ENTPD7: variants seen among roughly 807,000 people sequenced by gnomAD.
ENTPD7 encodes the protein NTPDase 7.
Under a neutral mutation model 77.9 loss-of-function variants are expected in ENTPD7, and 53 were observed. That is an observed-to-expected ratio of 0.68 (90% CI 0.55 to 0.85). The LOEUF (loss-of-function observed/expected upper bound fraction) is 0.85. Ranked by LOEUF, ENTPD7 falls within the 40% of genes least tolerant of loss-of-function variation. The pLI is 0.00. For synonymous variants in ENTPD7, 248 were observed against 274.9 expected, an observed-to-expected ratio of 0.90 and a Z score of 0.97; for missense variants, 636 against 743.7, an observed-to-expected ratio of 0.86 and a Z score of 1.68.
intron 5 of ENTPD7, among the ~76,000 whole-genome samples, chr10:99,684,372 C>T (rs1225823063): frequency 6.6e-6 from 1 of 152,212 alleles, no homozygotes; most frequent in African/African-American, 2.4e-5. Context: ...ATTTGCATAA[C>T]TAACAGCAAC....
chr10:99,690,646 G>A (rs1327956030), intron 7 of ENTPD7, among the ~76,000 whole-genome samples: 1 of 151,470 alleles, frequency 6.6e-6, no homozygotes, highest in Non-Finnish European at 1.5e-5. Context: ...GGGTTCAAGC[G>A]ATTCTCCTGC....
At chr10:99,698,116 G>A in intron 9 of ENTPD7, among the ~76,000 whole-genome samples, 1 of 152,090 alleles carries the variant, frequency 6.6e-6, no homozygotes, top group Non-Finnish European at 1.5e-5. Context: ...CACTGCCGTG[G>A]TCTGCTCTTC....
rs2036287675 is a variant in ENTPD7 at position 99,708,076 on chromosome 10, A to C, written c.*3393A>C. On this transcript the variant is annotated 3_prime_UTR_variant, in exon 13 of 13. Transcript: ENST00000370489. Reference sequence around the variant, plus strand: ...CTCTCCCTCCCTGCTCTAGTAGTCCACAGTGTCTATTCTGGTCTGGGAAAT... The same window carrying C: ...CTCTCCCTCCCTGCTCTAGTAGTCCCCAGTGTCTATTCTGGTCTGGGAAAT... Among the ~76,000 whole-genome samples, 1 of 152,092 alleles carries C rather than the reference A, an allele frequency of 6.6e-6. No homozygotes were observed. The highest frequency in any genetic ancestry group is 2.4e-5 in the African/African-American group (1 of 41,408).
At chr10:99,667,676 T>C (rs1176666048) in intron 3 of ENTPD7, among the ~76,000 whole-genome samples, 3 of 152,240 alleles carry the variant, frequency 2.0e-5, no homozygotes. Flanking sequence ...GGTTCTCACT[T>C]GTCTCAGAAC....
chr10:99,660,435 A>T, intron 2 of ENTPD7: 1 of 1,014,924 alleles, frequency 9.9e-7, no homozygotes, highest in Non-Finnish European at 1.3e-6. Flanking sequence ...ACATGCACCA[A>T]TAAGGGAAAG....
chr10:99,666,184 GA>G (rs1166590625), intron 3 of ENTPD7, among the ~76,000 whole-genome samples: 4 of 152,058 alleles, frequency 2.6e-5, no homozygotes, highest in Non-Finnish European at 5.9e-5. Flanking sequence ...AGGTTTTGAA[GA>G]GTGAAAAGGT....
Position 99,704,534 on chromosome 10 carries a change from G to C in ENTPD7, c.1666G>C (p.Ala556Pro). ...SFVYNHYLFFACILVVLLAIF... is the reference protein window; with the variant it reads ...SFVYNHYLFFPCILVVLLAIF... ...TGTATACAACCACTATCTCTTCTTT[G>C]CCTGTATCCTGGTGGTGCTACTGGC... Residue 556 changes from alanine to proline, a missense_variant, in exon 13 of 13, where the codon GCC (alanine) becomes CCC (proline). Physicochemically the swap from Ala to Pro is conservative, Grantham distance 27. Coordinates refer to ENST00000370489, the MANE Select transcript of ENTPD7 (RefSeq NM_020354.5). 1 of 1,614,136 alleles carries C rather than the reference G, an allele frequency of 6.2e-7. No homozygotes were observed. Among genetic ancestry groups the C allele is most frequent in the Non-Finnish European group, 8.5e-7 (1 of 1,180,022 alleles).
intron 3 of ENTPD7, among the ~76,000 whole-genome samples, chr10:99,676,612 C>T (rs1430229356): frequency 1.3e-5 from 2 of 152,100 alleles, no homozygotes; most frequent in African/African-American, 4.8e-5. Flanking sequence ...TATCTTTGGC[C>T]TTTTGTGAGG....
At chr10:99,675,620 G>A (rs1186774828) in intron 3 of ENTPD7, among the ~76,000 whole-genome samples, 1 of 122,036 alleles carries the variant, frequency 8.2e-6, no homozygotes, top group Non-Finnish European at 1.6e-5. Flanking sequence ...TTTTTGAGAT[G>A]GAGTCTCGCT....
Position 99,708,771 on chromosome 10 carries a change from T to C in ENTPD7, c.*4088T>C, listed in dbSNP as rs1037713360. On this transcript the variant is annotated 3_prime_UTR_variant, in exon 13 of 13. Coordinates refer to ENST00000370489, the MANE Select transcript of ENTPD7 (RefSeq NM_020354.5). ...CCTTGATTTATATGGGTGATAAAAC[T>C]GAGGCCTAGAGCAGTTGTAATATGT... 13 of 949,858 alleles carry C rather than the reference T, an allele frequency of 1.4e-5. No homozygotes were observed. The highest frequency in any genetic ancestry group is 1.8e-5 in the African/African-American group (1 of 56,502). The allele number at this position is 949,858 out of a possible 1,614,324, so 58.8% of individuals were successfully genotyped here.
chr10:99,687,707 C>T (rs2035833006), intron 6 of ENTPD7, among the ~76,000 whole-genome samples: 1 of 152,164 alleles, frequency 6.6e-6, no homozygotes. Flanking sequence ...GGGTCAGATC[C>T]ATGTATTTGT....
Position 99,709,334 on chromosome 10 carries a change from A to G in ENTPD7, c.*4651A>G. 2.0e-6 allele frequency: 2 copies of G among 985,386 alleles called. No homozygotes were observed. The highest frequency in any genetic ancestry group is 3.5e-5 in the African/African-American group (2 of 57,342). The allele number at this position is 985,386 out of a possible 1,614,324, so 61.0% of individuals were successfully genotyped here. A position where few individuals can be genotyped will look rare whatever the true frequency, so the allele number is the denominator to read the frequency against. On this transcript the variant is annotated 3_prime_UTR_variant, in exon 13 of 13. Transcript: ENST00000370489. Reference sequence around the variant, plus strand: ...CCTTTTTGCTGTGGTATGTGGTGTAATGTTGATTGGGAATAAGAATTATGG... The same window carrying G: ...CCTTTTTGCTGTGGTATGTGGTGTAGTGTTGATTGGGAATAAGAATTATGG...
chr10:99,691,603 T>C, intron 8 of ENTPD7, 85 bp downstream of exon 8: 1 of 1,433,780 alleles, frequency 7.0e-7, no homozygotes, highest in Non-Finnish European at 9.5e-7. Context: ...TAGACCAACC[T>C]ACCTGGCTCT....
intron 3 of ENTPD7, among the ~76,000 whole-genome samples, chr10:99,672,537 C>A (rs1232860255): frequency 6.6e-6 from 1 of 152,018 alleles, no homozygotes; most frequent in Non-Finnish European, 1.5e-5. Flanking sequence ...AACTCCTGAG[C>A]TCAAGCAAGC....
At chr10:99,663,247 G>A (rs1410659635) in intron 3 of ENTPD7, among the ~76,000 whole-genome samples, 1 of 152,090 alleles carries the variant, frequency 6.6e-6, no homozygotes, top group Non-Finnish European at 1.5e-5. Context: ...AGAACTCTAG[G>A]TTGATCATTT....
intron 7 of ENTPD7, among the ~76,000 whole-genome samples, chr10:99,689,212 T>C (rs1259011909): frequency 1.3e-5 from 2 of 152,226 alleles, no homozygotes; most frequent in East Asian, 1.9e-4. Flanking sequence ...TCTAATATCA[T>C]ACAATACGTA....
chr10:99,686,845 G>T (rs1232859511), intron 6 of ENTPD7, among the ~76,000 whole-genome samples: 1 of 150,102 alleles, frequency 6.7e-6, no homozygotes. Context: ...TTAAATCAAA[G>T]AGAACTTTTT....
At position 99,679,828 on chromosome 10, in the gene ENTPD7, C is replaced by T; in HGVS notation, c.501C>T (p.Thr167=). 1 of 1,614,142 alleles carries T rather than the reference C, an allele frequency of 6.2e-7. No individual in the cohort carries two copies. The highest frequency in any genetic ancestry group is 8.5e-7 in the Non-Finnish European group (1 of 1,180,028). ...TGCCTGTGAAGAAGCACAAGGAGAC[C>T]CCTCTTTACATCCTCTGCACAGCAG... ...AHVPVKKHKE[T]PLYILCTAGM... is the part of the protein sequence containing the mutation. Residue 167 remains threonine, a synonymous_variant, in exon 5 of 13, where the codon ACC becomes ACT. Coordinates refer to ENST00000370489, the MANE Select transcript of ENTPD7 (RefSeq NM_020354.5).
At chr10:99,703,632 T>G (rs1207213114) in intron 12 of ENTPD7, among the ~76,000 whole-genome samples, 1 of 152,224 alleles carries the variant, frequency 6.6e-6, no homozygotes, top group East Asian at 1.9e-4. Context: ...TCATATCGCC[T>G]TATTTTTATC....
Sources: allele counts gnomAD v4.1 joint callset (sites outside exome capture counted in the v4.1 genomes callset), GRCh38; gene constraint gnomAD v4.1.1; transcripts MANE v1.5; gene names NCBI Gene and HGNC (gene_info 2026-07-23, HGNC 2026-07-21).